The following CALN1 variants were observed in gnomAD, a reference collection of about 807,000 sequenced individuals.
CALN1 encodes calneuron 1, also known as calcium-binding protein 8.
Under a neutral mutation model 30.6 loss-of-function variants are expected in CALN1, and 17 were observed. The observed-to-expected ratio is 0.56, with a 90% confidence interval of 0.38 to 0.83. The LOEUF is 0.83. Ranked by LOEUF, CALN1 falls within the 40% of genes least tolerant of loss-of-function variation. CALN1 has a pLI of 0.00. For missense variants in CALN1, 291 were observed against 354.9 expected (o/e 0.82, Z 1.45); for synonymous variants, 156 against 131.4 (o/e 1.19, Z -1.28).
At chr7:72,211,827 C>G (rs1346261157) in intron 3 of CALN1, among the ~76,000 whole-genome samples, 1 of 152,030 alleles carries the variant, frequency 6.6e-6, no homozygotes, top group Non-Finnish European at 1.5e-5. Context: ...ATTAGCTGAG[C>G]CAGTTTCTAC....
intron 2 of CALN1, among the ~76,000 whole-genome samples, chr7:72,339,230 G>T (rs895614928): frequency 6.6e-6 from 1 of 152,112 alleles, no homozygotes; most frequent in East Asian, 1.9e-4. Flanking sequence ...ATGGACACAT[G>T]GGTTGCTTCC....
intron 6 of CALN1, among the ~76,000 whole-genome samples, chr7:71,794,717 C>CTAT (rs1786786782): frequency 6.6e-6 from 1 of 152,230 alleles, no homozygotes; most frequent in Non-Finnish European, 1.5e-5. Flanking sequence ...GTTTTTCATC[C>CTAT]TATTCCCTGC....
chr7:72,005,606 T>C (rs2129528836), intron 5 of CALN1, among the ~76,000 whole-genome samples: 1 of 152,270 alleles, frequency 6.6e-6, no homozygotes, highest in South Asian at 2.1e-4. Context: ...GCTAGGCTTA[T>C]GGACATGAGC....
chr7:72,064,172 C>G (rs543354853), intron 4 of CALN1, among the ~76,000 whole-genome samples: 1 of 151,772 alleles, frequency 6.6e-6, no homozygotes, highest in African/African-American at 2.4e-5. Context: ...ATCCCAGCTA[C>G]TCAGGAGGCT....
chr7:72,503,837 C>CT, the CALN1 span, among the ~76,000 whole-genome samples: 64,977 of 151,706 alleles, frequency 0.43, 15,094 homozygotes, highest in African/African-American at 0.61. Flanking sequence ...AGAGGAGGAT[C>CT]GCAGGAAATG....
At chr7:72,270,510 G>A (rs1487968246) in intron 3 of CALN1, among the ~76,000 whole-genome samples, 1 of 152,196 alleles carries the variant, frequency 6.6e-6, no homozygotes, top group African/African-American at 2.4e-5. Flanking sequence ...GGTGGCTCAT[G>A]CCTGTAATCC....
intron 5 of CALN1, among the ~76,000 whole-genome samples, chr7:71,886,015 T>C (rs559049575): frequency 1.9e-3 from 295 of 152,322 alleles, no homozygotes; most frequent in Middle Eastern, 3.4e-3. Flanking sequence ...CATTTTAACA[T>C]GTGAATGGCA....
At chr7:72,151,831 C>T (rs1320036860) in intron 3 of CALN1, among the ~76,000 whole-genome samples, 22 of 152,074 alleles carry the variant, frequency 1.4e-4, no homozygotes, top group Admixed American at 1.4e-3. Context: ...TTGATCTCAG[C>T]CTCCCGAGTA....
In CALN1 at chr7:72,016,998, C is replaced by CAAAAAAAAAAAAAAAAAAAAAAAAAAAA. The variant is rs754201004; in HGVS notation, c.501+6658_501+6659insTTTTTTTTTTTTTTTTTTTTTTTTTTTT. 7.2e-4 allele frequency among the ~76,000 whole-genome samples: 23 copies of CAAAAAAAAAAAAAAAAAAAAAAAAAAAA among 31,954 alleles called. 3 individuals are homozygous for CAAAAAAAAAAAAAAAAAAAAAAAAAAAA. The highest frequency in any genetic ancestry group is 2.0e-3 in the East Asian group (2 of 992). The allele number at this position is 31,954 out of a possible 152,430, so 21.0% of individuals were successfully genotyped here. ...CAAAACCCCGTGTTTACTAAAAATA[C>CAAAAAAAAAAAAAAAAAAAAAAAAAAAA]AAAAAAAAAAAAAAAAAAAGCTGGG... is the stretch of plus-strand genomic sequence containing the variant. On this transcript the variant is annotated intron_variant, in intron 5 of 6. Coordinates refer to ENST00000395275, the MANE Select transcript of CALN1 (RefSeq NM_031468.4).
At chr7:72,477,613 G>C in the CALN1 span, among the ~76,000 whole-genome samples, 25 of 151,902 alleles carry the variant, frequency 1.6e-4, no homozygotes, top group Non-Finnish European at 1.5e-5. Context: ...GTAGAAACGG[G>C]GTCTTGCTTT....
chr7:72,196,070 C>A (rs755194812), intron 3 of CALN1, among the ~76,000 whole-genome samples: 7 of 151,298 alleles, frequency 4.6e-5, no homozygotes, highest in Non-Finnish European at 1.5e-5. Context: ...GGAGATATGG[C>A]GAGATTGGAG....
intron 5 of CALN1, among the ~76,000 whole-genome samples, chr7:71,830,294 C>T (rs985819983): frequency 8.5e-5 from 13 of 152,170 alleles, no homozygotes; most frequent in African/African-American, 7.2e-5. Context: ...CCACCCGCCT[C>T]GGCCTCCCAA....
chr7:72,272,884 C>T (rs1797087146), intron 3 of CALN1, among the ~76,000 whole-genome samples: 1 of 152,084 alleles, frequency 6.6e-6, no homozygotes, highest in South Asian at 2.1e-4. Flanking sequence ...ATGTCCCATC[C>T]TGGGTTATCT....
At chr7:72,394,584 T>A (rs1171590806) in intron 2 of CALN1, among the ~76,000 whole-genome samples, 1 of 151,768 alleles carries the variant, frequency 6.6e-6, no homozygotes, top group Non-Finnish European at 1.5e-5. Flanking sequence ...ATCACATTCA[T>A]AATAATAAAC....
chr7:72,027,754 C>T (rs373724418), intron 4 of CALN1, among the ~76,000 whole-genome samples: 10 of 133,492 alleles, frequency 7.5e-5, no homozygotes, highest in Admixed American at 2.1e-4. Flanking sequence ...CACACACACA[C>T]ACACAAAAAC....
the CALN1 span, among the ~76,000 whole-genome samples, chr7:72,501,266 T>C: frequency 1.0e-4 from 15 of 147,774 alleles, no homozygotes; most frequent in Non-Finnish European, 1.8e-4. Context: ...GGTGTGGTGG[T>C]TCAAGCTTGT....
At chr7:71,824,354 T>C (rs543795699) in intron 5 of CALN1, among the ~76,000 whole-genome samples, 1 of 152,260 alleles carries the variant, frequency 6.6e-6, no homozygotes, top group South Asian at 2.1e-4. Flanking sequence ...ACAGGTGGAC[T>C]TCCCATGTTC....
intron 5 of CALN1, among the ~76,000 whole-genome samples, chr7:71,901,443 T>C (rs1372486843): frequency 2.7e-5 from 3 of 109,498 alleles, no homozygotes; most frequent in African/African-American, 7.0e-5. Context: ...AAAAAAAAAA[T>C]AGAGCCAGAA....
intron 2 of CALN1, among the ~76,000 whole-genome samples, chr7:72,357,863 T>G (rs1803330536): frequency 6.7e-6 from 1 of 148,592 alleles, no homozygotes; most frequent in African/African-American, 2.5e-5. Context: ...TTTATATATA[T>G]GTGTGTTTTT....
Sources: gnomAD v4.1 joint callset for allele counts (sites outside exome capture counted in the v4.1 genomes callset) on GRCh38, gnomAD v4.1.1 for gene constraint, MANE v1.5 for transcripts, NCBI Gene and HGNC (gene_info 2026-07-23, HGNC 2026-07-21) for gene names.